The following PIK3CD variants were observed in gnomAD, a reference collection of about 807,000 sequenced individuals.
PIK3CD encodes phosphatidylinositol 4,5-bisphosphate 3-kinase catalytic subunit delta isoform.
PIK3CD carries 20 observed loss-of-function variants against 122.9 expected under a neutral mutation model. That is an observed-to-expected ratio of 0.16 (90% confidence interval 0.11 to 0.24). The LOEUF (loss-of-function observed/expected upper bound fraction) is 0.24, where lower values mean the gene tolerates loss of function less well. Among genes scored for constraint, PIK3CD ranks in the 10% least tolerant of loss-of-function variants. PIK3CD has a pLI of 1.00. For synonymous variants in PIK3CD, 596 were observed against 593.4 expected (o/e 1.00, Z -0.06); for missense variants, 787 against 1,406.3 (o/e 0.56, Z 7.04).
chr1:9,655,914 C>G (rs1329813976), intron 1 of PIK3CD, among the ~76,000 whole-genome samples: 1 of 152,074 alleles, frequency 6.6e-6, no homozygotes, highest in African/African-American at 2.4e-5. Flanking sequence ...CCAGGCTGGT[C>G]TCGAACTCCT....
At chr1:9,655,066 CAAAAAA>C (rs201406696) in intron 1 of PIK3CD, among the ~76,000 whole-genome samples, 2 of 124,864 alleles carry the variant, frequency 1.6e-5, no homozygotes, top group African/African-American at 5.9e-5. Context: ...GACTACATTT[CAAAAAA>C]AAAAAAAAGA....
chr1:9,716,275 TG>T, intron 5 of PIK3CD, 164 bp from the exon 6 acceptor site: 1 of 810,600 alleles, frequency 1.2e-6, no homozygotes, highest in Non-Finnish European at 2.0e-6. Context: ...CCAAGTGGCG[TG>T]GGGCATTGGG....
intron 1 of PIK3CD, among the ~76,000 whole-genome samples, chr1:9,665,300 G>A (rs955075300): frequency 6.6e-6 from 1 of 151,386 alleles, no homozygotes; most frequent in African/African-American, 2.4e-5. Context: ...TGGCAAGGTA[G>A]TAAATGCCTC....
At chr1:9,714,745 G>C (rs1200265205) in intron 3 of PIK3CD, among the ~76,000 whole-genome samples, 1 of 152,110 alleles carries the variant, frequency 6.6e-6, no homozygotes, top group African/African-American at 2.4e-5. Context: ...GTGACTCAGT[G>C]GTGAACACCT....
At chr1:9,690,904 C>T (rs896525059) in intron 1 of PIK3CD, among the ~76,000 whole-genome samples, 4 of 151,996 alleles carry the variant, frequency 2.6e-5, no homozygotes, top group Non-Finnish European at 5.9e-5. Flanking sequence ...GTCTTTTTTC[C>T]CTCTTTGGGG....
chr1:9,706,520 T>C (rs1324085359), intron 2 of PIK3CD, among the ~76,000 whole-genome samples: 2 of 152,034 alleles, frequency 1.3e-5, no homozygotes, highest in East Asian at 1.9e-4. Context: ...AAAACCTGGG[T>C]CTGTGAACCT....
intron 2 of PIK3CD, among the ~76,000 whole-genome samples, chr1:9,701,136 G>T (rs2100628541): frequency 6.6e-6 from 1 of 152,196 alleles, no homozygotes; most frequent in East Asian, 1.9e-4. Context: ...AGCCCCAGGT[G>T]CCAGCCCTTG....
chr1:9,657,981 A>G (rs1218833646), intron 1 of PIK3CD, among the ~76,000 whole-genome samples: 3 of 152,264 alleles, frequency 2.0e-5, no homozygotes, highest in African/African-American at 7.2e-5. Context: ...CCCCCCTTGC[A>G]TCAGCCACAG....
chr1:9,708,210 GTCTCAC>G (rs1646916924), intron 2 of PIK3CD, among the ~76,000 whole-genome samples: 1 of 151,338 alleles, frequency 6.6e-6, no homozygotes, highest in Non-Finnish European at 1.5e-5. Flanking sequence ...GTTTGAGACA[GTCTCAC>G]TCTGTCATCC....
chr1:9,629,902 T>G, the PIK3CD span, among the ~76,000 whole-genome samples: 5 of 152,284 alleles, frequency 3.3e-5, no homozygotes, highest in East Asian at 9.7e-4. Flanking sequence ...TTTGCGCCAT[T>G]ACTCTTTCAT....
chr1:9,711,339 C>T (rs1647045168), intron 3 of PIK3CD, among the ~76,000 whole-genome samples: 1 of 152,166 alleles, frequency 6.6e-6, no homozygotes, highest in African/African-American at 2.4e-5. Flanking sequence ...AAGTGATCCA[C>T]CCGCTTCGGC....
rs998875457 is a variant in PIK3CD at position 9,728,288 on chromosome 1, C to T, written c.*1242C>T. On this transcript the variant is annotated 3_prime_UTR_variant, in exon 24 of 24. Transcript: ENST00000377346. ...TATACTTAGTTTGAAATGGTGCAGG[C>T]TTAGTCTTAAGCCTCCAAAGGCCTG... 6.6e-6 allele frequency: 1 copy of T among 152,190 alleles called. No homozygotes were observed. The highest frequency in any genetic ancestry group is 2.4e-5 in the African/African-American group (1 of 41,424). 9.4% of individuals were successfully genotyped at this position (152,190 alleles called of 1,614,324 possible).
chr1:9,628,852 A>C, the PIK3CD span, among the ~76,000 whole-genome samples: 1 of 152,088 alleles, frequency 6.6e-6, no homozygotes, highest in African/African-American at 2.4e-5. Context: ...CTAGGGAGAC[A>C]CTGGGCAGTA....
intron 1 of PIK3CD, among the ~76,000 whole-genome samples, chr1:9,670,538 T>G (rs1244908816): frequency 2.6e-5 from 4 of 152,224 alleles, no homozygotes; most frequent in Non-Finnish European, 5.9e-5. Flanking sequence ...ACTTAACATG[T>G]AGGGGACCTT....
At position 9,719,019 on chromosome 1, in the gene PIK3CD, G is replaced by A. The variant is rs1476177246; in HGVS notation, c.1242+104G>A. 3.6e-6 allele frequency: 4 copies of A among 1,104,452 alleles called. No homozygotes were observed. In the African/African-American group the frequency reaches 6.2e-5, roughly 17 times the overall value. The allele number at this position is 1,104,452 out of a possible 1,614,324, so 68.4% of individuals were successfully genotyped here. ...CCTCCCGGCAAGCACGCAGCCTGGG[G>A]ATGGGGGTCCTGGGATTGCTTGTGG... is the stretch of plus-strand genomic sequence containing the variant. On this transcript the variant is annotated intron_variant, in intron 9 of 23. Transcript: ENST00000377346. This position sits in a 1 kb window ranked among gnomAD's most constrained non-coding sequence, Gnocchi z 5.5.
intron 2 of PIK3CD, among the ~76,000 whole-genome samples, chr1:9,703,319 A>T (rs1313488226): frequency 3.3e-5 from 5 of 152,226 alleles, no homozygotes; most frequent in African/African-American, 1.2e-4. Context: ...GGCCTGGGCA[A>T]ACTCAGGCCC....
At chr1:9,663,727 TC>T (rs70979772) in intron 1 of PIK3CD, among the ~76,000 whole-genome samples, 1 of 96,020 alleles carries the variant, frequency 1.0e-5, no homozygotes, top group Non-Finnish European at 2.1e-5. Context: ...ATGGTCTCCC[TC>T]CCCCCTCCCC....
chr1:9,717,382 T>G lies in PIK3CD; in HGVS notation c.931-155T>G, dbSNP rs1350780819. Among the ~76,000 whole-genome samples the G allele has an allele frequency of 7.5e-6, 1 of 133,692 alleles. No homozygotes were observed. The highest frequency in any genetic ancestry group is 1.8e-5 in the Non-Finnish European group (1 of 54,918). The allele number at this position is 133,692 out of a possible 152,430, so 87.7% of individuals were successfully genotyped here. On this transcript the variant is annotated intron_variant, in intron 7 of 23. Coordinates refer to ENST00000377346, the MANE Select transcript of PIK3CD (RefSeq NM_005026.5). The surrounding 1 kb of genome is among the most constrained non-coding windows in gnomAD (Gnocchi z 5.4). Reference sequence around the variant, plus strand: ...CCCCTGGGGAGCCCGCATGGCAGGTTTTCTGGGAAAGGATAGCATTGTGGA... The same window carrying G: ...CCCCTGGGGAGCCCGCATGGCAGGTGTTCTGGGAAAGGATAGCATTGTGGA...
chr1:9,710,741 G>C lies in PIK3CD; in HGVS notation c.141+145G>C, dbSNP rs1233449084. On this transcript the variant is annotated intron_variant, in intron 3 of 23. Coordinates refer to ENST00000377346, the MANE Select transcript of PIK3CD (RefSeq NM_005026.5). The surrounding 1 kb of genome is among the most constrained non-coding windows in gnomAD (Gnocchi z 4.7). The stretch of plus-strand genomic sequence containing the variant: ...GACAGATGCACTGCTTTTCAGACTT[G>C]GGATCCTCAGATGAGAATTTTAAAA... 4 of 858,134 alleles carry C rather than the reference G, an allele frequency of 4.7e-6. No homozygotes were observed. Among genetic ancestry groups the C allele is most frequent in the African/African-American group, 1.7e-5 (1 of 60,184 alleles). 53.2% of individuals were successfully genotyped at this position (858,134 alleles called of 1,614,324 possible).
Sources: gnomAD v4.1 joint callset for allele counts (sites outside exome capture counted in the v4.1 genomes callset) on GRCh38, gnomAD v4.1.1 for gene constraint, Gnocchi (gnomAD v3.1) non-coding constraint, MANE v1.5 for transcripts, NCBI Gene and HGNC (gene_info 2026-07-23, HGNC 2026-07-21) for gene names.